SOBP: variants seen among roughly 807,000 people sequenced by gnomAD.
SOBP encodes the protein sine oculis-binding protein homolog.
A neutral mutation model predicts 53.6 loss-of-function variants in SOBP; 4 were observed. The ratio of observed to expected loss-of-function variants is 0.07; its 90% confidence interval spans 0.04 to 0.17. The LOEUF is 0.17. Ranked by LOEUF, SOBP falls within the 10% of genes least tolerant of loss-of-function variation. The pLI, the probability that SOBP is intolerant of heterozygous loss-of-function variation, is 1.00. For synonymous variants in SOBP, 584 were observed against 522.6 expected, an observed-to-expected ratio of 1.12 and a Z score of -1.60; for missense variants, 1,088 against 1,204.7, an observed-to-expected ratio of 0.90 and a Z score of 1.43.
At chr6:107,589,707 A>G (rs985423144) in intron 5 of SOBP, among the ~76,000 whole-genome samples, 1 of 152,300 alleles carries the variant, frequency 6.6e-6, no homozygotes, top group African/African-American at 2.4e-5. Flanking sequence ...CAGTCTCCTT[A>G]TGCTTTTTAT....
chr6:107,542,430 C>T (rs116021605), intron 4 of SOBP, among the ~76,000 whole-genome samples: 50 of 152,232 alleles, frequency 3.3e-4, no homozygotes, highest in African/African-American at 1.1e-3. Context: ...AGCCAAATGA[C>T]GTAGGCTGGA....
chr6:107,635,092 C>CTGT lies in SOBP; in HGVS notation c.2248_2249insTGT (p.Pro750delinsLeuSer). 1 of 1,594,624 alleles carries CTGT rather than the reference C, an allele frequency of 6.3e-7. No homozygotes were observed. The highest frequency in any genetic ancestry group is 8.5e-7 in the Non-Finnish European group (1 of 1,171,066). On this transcript the variant is annotated protein_altering_variant, in exon 6 of 7. Coordinates refer to ENST00000317357, the MANE Select transcript of SOBP (RefSeq NM_018013.4). The surrounding 1 kb of genome is among the most constrained non-coding windows in gnomAD (Gnocchi z 4.5). Reference sequence around the variant, plus strand: ...TCCCGAGCAGCCGCCGCCGCCGCCGCCGCCCGCGCCCCCCAAGAAGCTGCT... The same window carrying CTGT: ...TCCCGAGCAGCCGCCGCCGCCGCCGCTGTCGCCCGCGCCCCCCAAGAAGCTGCT...
chr6:107,509,117 G>A (rs541372983), intron 3 of SOBP, among the ~76,000 whole-genome samples: 6 of 152,260 alleles, frequency 3.9e-5, no homozygotes, highest in Admixed American at 2.6e-4. Flanking sequence ...ATGTAAGGCC[G>A]GGCGCAGTGG....
Position 107,507,310 on chromosome 6 carries a change from T to G in SOBP, c.421+883T>G, listed in dbSNP as rs577186610. On this transcript the variant is annotated intron_variant, in intron 3 of 6. Coordinates refer to ENST00000317357, the MANE Select transcript of SOBP (RefSeq NM_018013.4). ...ATGAGATTTTTTTTGAGATTTAAATTTTTTTGTTTTTTGAGACAGAGTTTC... is the reference window on the plus strand; with the variant it reads ...ATGAGATTTTTTTTGAGATTTAAATGTTTTTGTTTTTTGAGACAGAGTTTC... 2.0e-5 allele frequency among the ~76,000 whole-genome samples: 3 copies of G among 152,130 alleles called. No individual in the cohort carries two copies. The East Asian group carries it at 5.8e-4, about 29-fold the overall frequency.
At chr6:107,503,623 T>C in intron 1 of SOBP, 34 bp from the exon 2 acceptor site, 1 of 1,611,940 alleles carries the variant, frequency 6.2e-7, no homozygotes, top group East Asian at 2.2e-5. Context: ...TTATTGATTA[T>C]AGAAATAAGT....
chr6:107,615,274 A>G (rs1443490716), intron 5 of SOBP, among the ~76,000 whole-genome samples: 1 of 152,254 alleles, frequency 6.6e-6, no homozygotes, highest in African/African-American at 2.4e-5. Flanking sequence ...AACAAGGGGT[A>G]TAATTAGGGT....
chr6:107,572,316 T>C lies in SOBP; in HGVS notation c.574-14764T>C, dbSNP rs186358034. 3.6e-3 allele frequency among the ~76,000 whole-genome samples: 552 copies of C among 152,160 alleles called. 6 individuals are homozygous for C. Among genetic ancestry groups the C allele is most frequent in the African/African-American group, 0.013 (524 of 41,510 alleles). On this transcript the variant is annotated intron_variant, in intron 4 of 6. Coordinates refer to ENST00000317357, the MANE Select transcript of SOBP (RefSeq NM_018013.4). ...GCAAATTTGCACACTTTTTTTTTTT[T>C]TTTTTAAGGCAGAGTTTTGCTGTAT... is the stretch of plus-strand genomic sequence containing the variant.
chr6:107,559,370 T>TG (rs1424018321), intron 4 of SOBP, among the ~76,000 whole-genome samples: 1 of 152,188 alleles, frequency 6.6e-6, no homozygotes, highest in Non-Finnish European at 1.5e-5. Flanking sequence ...AAGGCTACAC[T>TG]AGTTGACCAG....
At chr6:107,629,231 CTTTTTTTTTTTT>C (rs5878925) in intron 5 of SOBP, among the ~76,000 whole-genome samples, 18 of 123,330 alleles carry the variant, frequency 1.5e-4, no homozygotes, top group Non-Finnish European at 2.7e-4. Context: ...GTGCTAATAT[CTTTTTTTTTTTT>C]TTTTTTTTTA....
chr6:107,648,493 G>A (rs1274880449), intron 6 of SOBP, among the ~76,000 whole-genome samples: 4 of 151,932 alleles, frequency 2.6e-5, no homozygotes, highest in Non-Finnish European at 5.9e-5. Context: ...ACATCAGCTA[G>A]TTCGTGTGTT....
Position 107,503,771 on chromosome 6 carries a change from C to G in SOBP, c.211C>G (p.Arg71Gly). The G allele has an allele frequency of 6.2e-7, 1 of 1,614,050 alleles. No homozygotes were observed. The highest frequency in any genetic ancestry group is 8.5e-7 in the Non-Finnish European group (1 of 1,180,004). Residue 71 changes from arginine to glycine, a missense_variant, in exon 2 of 7, where the codon CGG becomes GGG. This residue lies in a region of SOBP where 112 missense variants were observed against 117.9 expected (regional missense o/e 0.95). Transcript: ENST00000317357. ...GAGCTACCCTACAGATGGGGAGAGCCGGCAGCACATTTCTGTTCTCAAAGG... is the reference window on the plus strand; with the variant it reads ...GAGCTACCCTACAGATGGGGAGAGCGGGCAGCACATTTCTGTTCTCAAAGG... Reference protein sequence around the residue: ...FRSYPTDGESRQHISVLKENS... With the variant: ...FRSYPTDGESGQHISVLKENS...
chr6:107,540,221 G>T (rs994283463), intron 4 of SOBP, among the ~76,000 whole-genome samples: 2 of 152,208 alleles, frequency 1.3e-5, no homozygotes, highest in African/African-American at 4.8e-5. Context: ...GCCCCATGGG[G>T]GATCCAAGCT....
chr6:107,646,406 C>T (rs1469629364), intron 6 of SOBP, among the ~76,000 whole-genome samples: 4 of 152,216 alleles, frequency 2.6e-5, no homozygotes, highest in African/African-American at 7.2e-5. Flanking sequence ...AGGCCCCACC[C>T]TTCTGACCAA....
chr6:107,493,362 T>TA (rs1220453858), intron 1 of SOBP, among the ~76,000 whole-genome samples: 1 of 151,972 alleles, frequency 6.6e-6, no homozygotes, highest in Non-Finnish European at 1.5e-5. Flanking sequence ...GCCTAAGCTG[T>TA]AAAAACGGAA....
At chr6:107,653,344 C>T (rs970248847) in intron 6 of SOBP, among the ~76,000 whole-genome samples, 13 of 152,306 alleles carry the variant, frequency 8.5e-5, no homozygotes, top group Admixed American at 5.2e-4. Context: ...AGAATAGCTG[C>T]GGCTACCTGA....
intron 1 of SOBP, among the ~76,000 whole-genome samples, chr6:107,491,144 C>G (rs763870382): frequency 1.9e-4 from 29 of 152,294 alleles, no homozygotes; most frequent in Middle Eastern, 6.8e-3. Context: ...CCCTCTCCCC[C>G]AGCTCACCCT....
rs536605584 is a variant in SOBP, at chr6:107,583,526, A to T, written c.574-3554A>T. ...AAGCAACTAGTTCTGTAATCTCTTA[A>T]ATCTTTTTTCTTTTTTTGAGACAGA... On this transcript the variant is annotated intron_variant, in intron 4 of 6. Coordinates refer to ENST00000317357, the MANE Select transcript of SOBP (RefSeq NM_018013.4). 7.2e-5 allele frequency among the ~76,000 whole-genome samples: 11 copies of T among 152,172 alleles called. No individual in the cohort carries two copies. The East Asian group carries it at 2.1e-3, about 29-fold the overall frequency.
chr6:107,620,037 A>G (rs531756516), intron 5 of SOBP, among the ~76,000 whole-genome samples: 3 of 152,344 alleles, frequency 2.0e-5, no homozygotes, highest in African/African-American at 7.2e-5. Flanking sequence ...GAAGCTTGCC[A>G]TAAAGAAGCC....
At chr6:107,589,233 G>A (rs1785666242) in intron 5 of SOBP, among the ~76,000 whole-genome samples, 1 of 152,184 alleles carries the variant, frequency 6.6e-6, no homozygotes, top group Non-Finnish European at 1.5e-5. Flanking sequence ...GAAAGCATGG[G>A]AGCTCTGGAG....
Sources: allele counts gnomAD v4.1 joint callset (sites outside exome capture counted in the v4.1 genomes callset), GRCh38; gene constraint gnomAD v4.1.1; regional missense constraint gnomAD v4.1.1; non-coding constraint Gnocchi (gnomAD v3.1); transcripts MANE v1.5; gene names NCBI Gene and HGNC (gene_info 2026-07-23, HGNC 2026-07-21).